Variants in PSEN1 observed in about 807,000 individuals in gnomAD.
PSEN1 encodes presenilin-1.
A neutral mutation model predicts 53.5 loss-of-function variants in PSEN1; 15 were observed. The ratio of observed to expected loss-of-function variants is 0.28; its 90% CI spans 0.19 to 0.43. The LOEUF is 0.43. Among genes scored for constraint, PSEN1 ranks in the 20% least tolerant of loss-of-function variants. PSEN1 has a pLI of 1.00. For synonymous variants in PSEN1, 208 were observed against 209.8 expected, an observed-to-expected ratio of 0.99 and a Z score of 0.08; for missense variants, 387 against 571.2, an observed-to-expected ratio of 0.68 and a Z score of 3.29.
intron 6 of PSEN1, 144 bp from the exon 7 acceptor site, chr14:73,192,500 T>A: frequency 1.5e-6 from 1 of 681,288 alleles, no homozygotes; most frequent in Middle Eastern, 4.0e-4. Context: ...ATTAAATAAA[T>A]AATAGCACAG....
intron 3 of PSEN1, among the ~76,000 whole-genome samples, chr14:73,160,597 G>T (rs551905698): frequency 2.0e-5 from 3 of 152,044 alleles, no homozygotes; most frequent in East Asian, 3.9e-4. Context: ...CCATCCTAAC[G>T]GGTGTAGTTT....
At chr14:73,215,485 C>T (rs542134889) in intron 10 of PSEN1, among the ~76,000 whole-genome samples, 1 of 151,008 alleles carries the variant, frequency 6.6e-6, no homozygotes, top group East Asian at 2.0e-4. Context: ...CGAGAGGCTG[C>T]GGCAGGATAA....
chr14:73,187,075 A>G (rs1898545382), intron 6 of PSEN1, among the ~76,000 whole-genome samples, 155 bp downstream of exon 6: 1 of 152,224 alleles, frequency 6.6e-6, no homozygotes, highest in African/African-American at 2.4e-5. Context: ...ACTAGTCAGT[A>G]TTACTAATTG....
chr14:73,149,355 A>G (rs1594966378), intron 3 of PSEN1, among the ~76,000 whole-genome samples: 1 of 151,912 alleles, frequency 6.6e-6, no homozygotes, highest in East Asian at 1.9e-4. Flanking sequence ...CAGTTATGGT[A>G]CATCTGGGCT....
At position 73,219,168 on chromosome 14, in the gene PSEN1, T is replaced by G. The variant is rs1221139878; in HGVS notation, c.1283T>G (p.Phe428Cys). ...LCLTLLLLAI[F>C]KKALPALPIS... ...CTTACATTATTACTCCTTGCCATTT[T>G]CAAGAAAGCATTGCCAGCTCTTCCA... Residue 428 changes from phenylalanine (F) to cysteine (C), a missense_variant, in exon 12 of 12, where the codon TTC becomes TGC. Phe to Cys is a radical substitution (Grantham distance 205). Around this residue, in one of 4 missense-constraint regions of PSEN1, gnomAD observed 44 missense variants for 106.3 expected, o/e 0.41. Coordinates refer to ENST00000324501, the MANE Select transcript of PSEN1 (RefSeq NM_000021.4). The G allele has an allele frequency of 6.2e-7, 1 of 1,614,036 alleles. No individual in the cohort carries two copies.
At chr14:73,148,174 A>G in intron 3 of PSEN1, 68 bp downstream of exon 3, 1 of 1,217,690 alleles carries the variant, frequency 8.2e-7, no homozygotes. Context: ...CTCACCTCTG[A>G]GAAATGCTGA....
At chr14:73,170,277 A>G (rs1364694712) in intron 3 of PSEN1, among the ~76,000 whole-genome samples, 1 of 152,168 alleles carries the variant, frequency 6.6e-6, no homozygotes, top group Non-Finnish European at 1.5e-5. Context: ...CTCATCCCGT[A>G]ACTAAGAGTA....
chr14:73,160,969 CTTTTT>C (rs552718246), intron 3 of PSEN1, among the ~76,000 whole-genome samples: 2 of 91,660 alleles, frequency 2.2e-5, no homozygotes, highest in Admixed American at 1.1e-4. Context: ...ATATGATTTG[CTTTTT>C]TTTTTTTTTT....
intron 3 of PSEN1, chr14:73,168,489 T>C (rs1439550045): frequency 6.6e-6 from 1 of 152,176 alleles, no homozygotes; most frequent in African/African-American, 2.4e-5. Context: ...CACTGAGTGT[T>C]GGTGATACAA....
chr14:73,173,541 G>A, intron 4 of PSEN1, 25 bp from the exon 5 acceptor site: 1 of 1,612,934 alleles, frequency 6.2e-7, no homozygotes. Context: ...ACTGACCTAG[G>A]GCTTTTGTGT....
rs1188415540 is a variant in PSEN1, at chr14:73,220,263, G to A, written c.*974G>A. ...GGTAGCAGATGGTCCCATTATTCTA[G>A]GGTCTTACTCTTTGTATGATGAAAA... On this transcript the variant is annotated 3_prime_UTR_variant, in exon 12 of 12. Transcript: ENST00000324501. 2 of 152,478 alleles carry A rather than the reference G, an allele frequency of 1.3e-5. No homozygotes were observed. Among genetic ancestry groups the A allele is most frequent in the Admixed American group, 6.5e-5 (1 of 15,274 alleles). The allele number at this position is 152,478 out of a possible 1,614,324, so 9.4% of individuals were successfully genotyped here. A position where few individuals can be genotyped will look rare whatever the true frequency, so the allele number is the denominator to read the frequency against.
chr14:73,192,232 G>A (rs895225875), intron 6 of PSEN1, among the ~76,000 whole-genome samples: 1 of 152,044 alleles, frequency 6.6e-6, no homozygotes, highest in Non-Finnish European at 1.5e-5. Flanking sequence ...GAACCCAGGA[G>A]TTTTAGACCA....
chr14:73,159,522 T>C (rs960703342), intron 3 of PSEN1, among the ~76,000 whole-genome samples: 4 of 152,362 alleles, frequency 2.6e-5, no homozygotes, highest in East Asian at 1.9e-4. Context: ...GTCCAAGGTA[T>C]GGATCAAAGT....
At chr14:73,184,566 G>T (rs1595020328) in intron 5 of PSEN1, among the ~76,000 whole-genome samples, 1 of 130,298 alleles carries the variant, frequency 7.7e-6, no homozygotes, top group African/African-American at 3.0e-5. Context: ...CTGGCAGAGG[G>T]GCTCCTCACT....
chr14:73,152,071 C>T (rs992141788), intron 3 of PSEN1, among the ~76,000 whole-genome samples: 1 of 150,800 alleles, frequency 6.6e-6, no homozygotes, highest in Non-Finnish European at 1.5e-5. Context: ...GCCACCATGC[C>T]TGGCTAATTT....
At position 73,153,714 on chromosome 14, in the gene PSEN1, C is replaced by CTT. The variant is rs773862128; in HGVS notation, c.87+5623_87+5624dup. The stretch of plus-strand genomic sequence containing the variant: ...TTAAAGGATTAATACATTTTCTTTC[C>CTT]TTTTTTTTTTTTTTTTGAAACGGAG... On this transcript the variant is annotated intron_variant, in intron 3 of 11. Transcript: ENST00000324501. Among the ~76,000 whole-genome samples, 149 of 130,026 alleles carry CTT rather than the reference C, an allele frequency of 1.1e-3. 1 individual carries two copies. The highest frequency in any genetic ancestry group is 2.9e-3 in the Admixed American group (36 of 12,286). 85.3% of individuals were successfully genotyped at this position (130,026 alleles called of 152,430 possible).
At chr14:73,198,294 T>C (rs1342541929) in intron 8 of PSEN1, among the ~76,000 whole-genome samples, 165 bp downstream of exon 8, 2 of 152,244 alleles carry the variant, frequency 1.3e-5, no homozygotes, top group Admixed American at 1.3e-4. Context: ...AATTGTCTTC[T>C]ACCTGATGTT....
intron 3 of PSEN1, among the ~76,000 whole-genome samples, chr14:73,158,551 A>G (rs1269912207): frequency 6.6e-6 from 1 of 152,050 alleles, no homozygotes; most frequent in Non-Finnish European, 1.5e-5. Context: ...GTCTTGAACT[A>G]CTGATCTCAA....
chr14:73,149,848 A>C (rs1237330301), intron 3 of PSEN1, among the ~76,000 whole-genome samples: 1 of 152,248 alleles, frequency 6.6e-6, no homozygotes, highest in Non-Finnish European at 1.5e-5. Flanking sequence ...ATAGAAGATA[A>C]CATCTAAAGC....
Sources: gnomAD v4.1 joint callset for allele counts (sites outside exome capture counted in the v4.1 genomes callset) on GRCh38, gnomAD v4.1.1 for gene constraint, gnomAD v4.1.1 regional missense constraint, MANE v1.5 for transcripts, NCBI Gene and HGNC (gene_info 2026-07-23, HGNC 2026-07-21) for gene names.